HBP1: variants seen among roughly 807,000 people sequenced by gnomAD.
HBP1 encodes the protein HMG-box transcription factor 1.
A neutral mutation model predicts 62.6 loss-of-function variants in HBP1; 20 were observed. That is an observed-to-expected ratio of 0.32 (90% CI 0.22 to 0.46). HBP1 has a LOEUF of 0.46. Among genes scored for constraint, HBP1 ranks in the 20% least tolerant of loss-of-function variants. HBP1 has a pLI of 1.00. For missense variants in HBP1, 480 were observed against 611.8 expected (o/e 0.78, Z 2.27); for synonymous variants, 232 against 206.2 (o/e 1.12, Z -1.07).
chr7:107,201,290 C>A, intron 10 of HBP1, 124 bp from the exon 11 acceptor site: 1 of 534,864 alleles, frequency 1.9e-6, no homozygotes, highest in Non-Finnish European at 3.3e-6. Context: ...TTTAAAATCA[C>A]CTTTAAGAAA....
intron 4 of HBP1, 47 bp from the exon 5 acceptor site, chr7:107,186,314 T>TA: frequency 1.8e-6 from 2 of 1,105,102 alleles, no homozygotes; most frequent in Non-Finnish European, 2.7e-6. Flanking sequence ...TATTAAAAGG[T>TA]ATATTTTAAA....
chr7:107,174,793 T>A, intron 1 of HBP1: 1 of 676,746 alleles, frequency 1.5e-6, no homozygotes, highest in Non-Finnish European at 1.8e-6. Context: ...ACTGTGCAGC[T>A]CACATCTGTA....
In HBP1 at chr7:107,169,032, G is replaced by A. The variant is rs771936242; in HGVS notation, c.-169G>A. 12 of 1,289,028 alleles carry A rather than the reference G, an allele frequency of 9.3e-6. No homozygotes were observed. Among genetic ancestry groups the A allele is most frequent in the East Asian group, 1.1e-4 (2 of 17,944 alleles). The allele number at this position is 1,289,028 out of a possible 1,614,324, so 79.8% of individuals were successfully genotyped here. On this transcript the variant is annotated 5_prime_UTR_variant, in exon 1 of 11. Transcript: ENST00000222574. ...TTGGTAATGGCGACGGGTTTGGTAAGTAGGAAAGTTTCGGTTGAGGAGTAA... is the reference window on the plus strand; with the variant it reads ...TTGGTAATGGCGACGGGTTTGGTAAATAGGAAAGTTTCGGTTGAGGAGTAA...
chr7:107,169,533 G>T (rs1358249135), intron 1 of HBP1, among the ~76,000 whole-genome samples: 1 of 151,194 alleles, frequency 6.6e-6, no homozygotes. Context: ...CGCAGCGCCG[G>T]GGCTGCCCAG....
intron 2 of HBP1, among the ~76,000 whole-genome samples, chr7:107,181,479 AAT>A (rs1797105630): frequency 6.6e-6 from 1 of 150,596 alleles, no homozygotes. Flanking sequence ...CTCAAAAAAA[AAT>A]TTTTTTTTTT....
intron 3 of HBP1, among the ~76,000 whole-genome samples, chr7:107,185,454 T>C (rs188792290): frequency 4.7e-4 from 72 of 152,216 alleles, no homozygotes; most frequent in African/African-American, 1.7e-3. Flanking sequence ...AAGAAAGAAA[T>C]GGATAGGACG....
At chr7:107,171,067 A>ATTTTTTTTTTTTTTTT (rs1395508929) in intron 1 of HBP1, among the ~76,000 whole-genome samples, 1 of 66,668 alleles carries the variant, frequency 1.5e-5, no homozygotes, top group African/African-American at 1.4e-4. Flanking sequence ...ATATATATAT[A>ATTTTTTTTTTTTTTTT]TATATATTTT....
At chr7:107,187,170 G>T (rs1797424602) in intron 6 of HBP1, among the ~76,000 whole-genome samples, 1 of 152,066 alleles carries the variant, frequency 6.6e-6, no homozygotes, top group African/African-American at 2.4e-5. Context: ...GGAGAATGGT[G>T]TGAACCCAGG....
Position 107,186,380 on chromosome 7 carries a change from C to G in HBP1, c.560C>G (p.Ser187Cys), listed in dbSNP as rs1384091872. Residue 187 changes from serine (S) to cysteine (C), a missense_variant, in exon 5 of 11, where the codon TCT becomes TGT. Transcript: ENST00000222574. ...RHERANSESE[S>C]GIFCMSSLSD... ...CCATAGGCAAATAGTGAGTCAGAAT[C>G]TGGCATTTTCTGCATGTCCTCCCTG... 2.5e-6 allele frequency: 4 copies of G among 1,606,984 alleles called. No homozygotes were observed. Among genetic ancestry groups the G allele is most frequent in the Non-Finnish European group, 2.6e-6 (3 of 1,174,518 alleles).
At chr7:107,183,795 C>T (rs1489494596) in intron 3 of HBP1, among the ~76,000 whole-genome samples, 1 of 152,022 alleles carries the variant, frequency 6.6e-6, no homozygotes, top group Non-Finnish European at 1.5e-5. Flanking sequence ...GGAGTATCTC[C>T]CTGAGGATGT....
At chr7:107,197,394 G>A (rs965533064) in intron 9 of HBP1, among the ~76,000 whole-genome samples, 4 of 152,084 alleles carry the variant, frequency 2.6e-5, no homozygotes, top group African/African-American at 7.2e-5. Context: ...TGTTTGAGGC[G>A]GAGTCTCACT....
chr7:107,178,436 C>T (rs944009993), intron 1 of HBP1, among the ~76,000 whole-genome samples: 2 of 152,132 alleles, frequency 1.3e-5, no homozygotes, highest in East Asian at 3.8e-4. Flanking sequence ...AAAGAGACAA[C>T]CACATTTTCC....
intron 1 of HBP1, among the ~76,000 whole-genome samples, chr7:107,172,794 T>C (rs1388830524): frequency 6.6e-6 from 1 of 152,302 alleles, no homozygotes; most frequent in African/African-American, 2.4e-5. Flanking sequence ...GATCTTGCTA[T>C]GTTGCCCTGG....
chr7:107,185,725 A>G, intron 3 of HBP1, 76 bp from the exon 4 acceptor site: 1 of 1,167,308 alleles, frequency 8.6e-7, no homozygotes, highest in East Asian at 2.4e-5. Context: ...CGTTTTAAAT[A>G]TGAAGTTCTT....
At chr7:107,169,453 G>A (rs1284118944) in intron 1 of HBP1, among the ~76,000 whole-genome samples, 2 of 141,348 alleles carry the variant, frequency 1.4e-5, no homozygotes, top group Admixed American at 1.4e-4. Context: ...GAAGTTCCGG[G>A]CCAGGTCGCG....
At chr7:107,175,596 C>T (rs1392050313) in intron 1 of HBP1, among the ~76,000 whole-genome samples, 2 of 152,082 alleles carry the variant, frequency 1.3e-5, no homozygotes, top group Non-Finnish European at 2.9e-5. Flanking sequence ...GATCACATGA[C>T]ACACAAGGCC....
chr7:107,185,956 T>C lies in HBP1; in HGVS notation c.540+14T>C. On this transcript the variant is annotated intron_variant, in intron 4 of 10. Transcript: ENST00000222574. Reference sequence around the variant, plus strand: ...AGACACGAAAGGGTAAGTTTATTTATGAGGTTAAACTTTTACAAAGTTTGT... The same window carrying C: ...AGACACGAAAGGGTAAGTTTATTTACGAGGTTAAACTTTTACAAAGTTTGT... 6.2e-7 allele frequency: 1 copy of C among 1,601,382 alleles called. No homozygotes were observed.
intron 6 of HBP1, among the ~76,000 whole-genome samples, chr7:107,188,381 A>G (rs1178790254): frequency 6.6e-6 from 1 of 152,074 alleles, no homozygotes; most frequent in African/African-American, 2.4e-5. Context: ...GTCTTTTACT[A>G]TTCTATTTCT....
chr7:107,180,388 C>A (rs1459102756), intron 2 of HBP1, among the ~76,000 whole-genome samples: 1 of 152,206 alleles, frequency 6.6e-6, no homozygotes, highest in Non-Finnish European at 1.5e-5. Flanking sequence ...ATATGCTTAG[C>A]CACTCTTCGT....
Sources: allele counts gnomAD v4.1 joint callset (sites outside exome capture counted in the v4.1 genomes callset), GRCh38; gene constraint gnomAD v4.1.1; transcripts MANE v1.5; gene names NCBI Gene and HGNC (gene_info 2026-07-23, HGNC 2026-07-21).